Variants in STARD7 observed in about 807,000 individuals in gnomAD.
STARD7 encodes stAR-related lipid transfer protein 7, mitochondrial.
STARD7 carries 30 observed loss-of-function variants against 45.3 expected under a neutral mutation model. That is an observed-to-expected ratio of 0.66 (90% CI 0.50 to 0.90). The LOEUF (loss-of-function observed/expected upper bound fraction) is 0.90, where lower values mean the gene tolerates loss of function less well. Among genes scored for constraint, STARD7 ranks in the 40% least tolerant of loss-of-function variants. The pLI, the probability that STARD7 is intolerant of heterozygous loss-of-function variation, is 0.00. For synonymous variants in STARD7, 199 were observed against 183.0 expected (o/e 1.09, Z -0.70); for missense variants, 495 against 491.3 (o/e 1.01, Z -0.07).
chr2:96,204,239 G>A (rs995074616), intron 1 of STARD7, among the ~76,000 whole-genome samples: 11 of 152,054 alleles, frequency 7.2e-5, no homozygotes, highest in East Asian at 3.9e-4. Flanking sequence ...CAGCCTGGGC[G>A]ACAGAGTGAG....
chr2:96,207,516 G>A (rs1333888188), intron 1 of STARD7, among the ~76,000 whole-genome samples: 1 of 152,202 alleles, frequency 6.6e-6, no homozygotes, highest in Non-Finnish European at 1.5e-5. Flanking sequence ...TCACAGTTTT[G>A]ATGACGACAG....
intron 6 of STARD7, 197 bp from the exon 7 acceptor site, chr2:96,187,498 T>G (rs1356565443): frequency 3.9e-6 from 2 of 511,676 alleles, no homozygotes; most frequent in South Asian, 2.3e-5. Flanking sequence ...ATGTTGACCC[T>G]TGGCCAACTT....
rs1683028286 is a variant in STARD7 at position 96,185,918 on chromosome 2, A to G, written c.*812T>C. The G allele has an allele frequency of 6.6e-6, 1 of 152,262 alleles. No homozygotes were observed. Among genetic ancestry groups the G allele is most frequent in the Admixed American group, 6.5e-5 (1 of 15,280 alleles). 9.4% of individuals were successfully genotyped at this position (152,262 alleles called of 1,614,324 possible). ...ATGTTTTGAGCATCAAAAAGCTACT[A>G]TCTAAAAGGATTAGTCTCCCAGTGT... On this transcript the variant is annotated 3_prime_UTR_variant, in exon 8 of 8. Coordinates refer to ENST00000337288, the MANE Select transcript of STARD7 (RefSeq NM_020151.4).
At chr2:96,204,849 A>C (rs902677314) in intron 1 of STARD7, among the ~76,000 whole-genome samples, 1 of 152,060 alleles carries the variant, frequency 6.6e-6, no homozygotes, top group African/African-American at 2.4e-5. Context: ...GAATGCCCTG[A>C]AAGACAGAAA....
In STARD7 at chr2:96,195,325, G is replaced by A. The variant is rs1472650338; in HGVS notation, c.499+16C>T. 6.4e-7 allele frequency: 1 copy of A among 1,552,272 alleles called. No homozygotes were observed. Among genetic ancestry groups the A allele is most frequent in the Non-Finnish European group, 8.7e-7 (1 of 1,147,130 alleles). ...GTGCAACTATGGAACCCAAAAGATAGCCACACTGGGCTCACCTCGGTACTG... is the reference window on the plus strand; with the variant it reads ...GTGCAACTATGGAACCCAAAAGATAACCACACTGGGCTCACCTCGGTACTG... On this transcript the variant is annotated intron_variant, in intron 2 of 7. Coordinates refer to ENST00000337288, the MANE Select transcript of STARD7 (RefSeq NM_020151.4).
At position 96,193,254 on chromosome 2, in the gene STARD7, T is replaced by C; in HGVS notation, c.648A>G (p.Val216=). 3 of 1,613,364 alleles carry C rather than the reference T, an allele frequency of 1.9e-6. No individual in the cohort carries two copies. Among genetic ancestry groups the C allele is most frequent in the Middle Eastern group, 3.3e-4 (2 of 6,062 alleles). Reference sequence around the variant, plus strand: ...TAAAAATACTCACAGGAAAATGGGTTACCCAGTGAAGAACCTCGGAACCAC... The same window carrying C: ...TAAAAATACTCACAGGAAAATGGGTCACCCAGTGAAGAACCTCGGAACCAC... ...VVSGSEVLHW[V]THFPYPMYSR... The change falls in exon 4 of 8, where the codon GTA becomes GTG. Residue 216 remains valine (V), a synonymous_variant. Transcript: ENST00000337288.
chr2:96,186,961 T>C, intron 7 of STARD7, 47 bp from the exon 8 acceptor site: 1 of 1,540,542 alleles, frequency 6.5e-7, no homozygotes, highest in Non-Finnish European at 8.8e-7. Flanking sequence ...AAACCAACAG[T>C]AGGCTCAAAA....
chr2:96,192,685 C>T (rs1683142529), intron 5 of STARD7, among the ~76,000 whole-genome samples: 1 of 152,086 alleles, frequency 6.6e-6, no homozygotes, highest in South Asian at 2.1e-4. Flanking sequence ...ACTGGGAAGC[C>T]AAGGAAGGAA....
At position 96,192,449 on chromosome 2, in the gene STARD7, C is replaced by T. The variant is rs774669103; in HGVS notation, c.763G>A (p.Val255Met). ...LVSRAVEHPS[V>M]PESPEFVRVR... The stretch of plus-strand genomic sequence containing the variant: ...CTGACGAATTCTGGAGACTCTGGCA[C>T]ACTCGGATGCTCCACAGCACTGGTA... Residue 255 changes from valine to methionine, a missense_variant, in exon 6 of 8, where the codon GTG becomes ATG. Coordinates refer to ENST00000337288, the MANE Select transcript of STARD7 (RefSeq NM_020151.4). The T allele has an allele frequency of 6.2e-6, 10 of 1,613,592 alleles. No individual in the cohort carries two copies. The South Asian group carries it at 9.9e-5, about 16-fold the overall frequency.
At chr2:96,192,962 C>T in intron 5 of STARD7, 116 bp downstream of exon 5, 1 of 733,248 alleles carries the variant, frequency 1.4e-6, no homozygotes, top group Non-Finnish European at 2.4e-6. Context: ...GGGGCACTGG[C>T]TGCAGGGAAG....
intron 3 of STARD7, 69 bp downstream of exon 3, chr2:96,194,889 A>G: frequency 7.6e-7 from 1 of 1,317,994 alleles, no homozygotes; most frequent in Non-Finnish European, 1.1e-6. Flanking sequence ...AGTCAGATAA[A>G]TGATTCATGT....
intron 1 of STARD7, among the ~76,000 whole-genome samples, chr2:96,196,939 A>C (rs1354301433): frequency 2.6e-5 from 4 of 151,368 alleles, no homozygotes; most frequent in Non-Finnish European, 4.4e-5. Flanking sequence ...GGTGGCACAT[A>C]CCTGTAATCC....
At chr2:96,191,196 ATAC>A (rs1683120686) in intron 6 of STARD7, among the ~76,000 whole-genome samples, 1 of 152,186 alleles carries the variant, frequency 6.6e-6, no homozygotes, top group Non-Finnish European at 1.5e-5. Context: ...TTTGAGATAA[ATAC>A]TGAAATATAT....
intron 4 of STARD7, 32 bp downstream of exon 4, chr2:96,193,210 A>C: frequency 6.2e-7 from 1 of 1,601,426 alleles, no homozygotes; most frequent in Non-Finnish European, 8.6e-7. Context: ...ACAAACCTGG[A>C]CAGAAATAAA....
chr2:96,195,269 G>T, intron 2 of STARD7, 72 bp downstream of exon 2: 2 of 1,313,734 alleles, frequency 1.5e-6, no homozygotes, highest in Non-Finnish European at 2.1e-6. Flanking sequence ...ACAGTTTAGA[G>T]AAGTATGAAG....
At chr2:96,194,897 T>C (rs567358312) in intron 3 of STARD7, 61 bp downstream of exon 3, 9 of 1,382,860 alleles carry the variant, frequency 6.5e-6, no homozygotes, top group African/African-American at 1.4e-5. Flanking sequence ...AAATGATTCA[T>C]GTAGACAGTA....
chr2:96,197,073 A>ACATAC (rs1558735767), intron 1 of STARD7, among the ~76,000 whole-genome samples: 2 of 132,146 alleles, frequency 1.5e-5, no homozygotes, highest in Non-Finnish European at 3.2e-5. Flanking sequence ...TCTCAAAATA[A>ACATAC]AATAAAATAA....
At chr2:96,200,175 G>A (rs959979416) in intron 1 of STARD7, among the ~76,000 whole-genome samples, 2 of 152,274 alleles carry the variant, frequency 1.3e-5, no homozygotes, top group African/African-American at 4.8e-5. Flanking sequence ...CCAAGCTCAG[G>A]TGATTCTCCC....
At chr2:96,197,084 A>AATCATAACATAACATAACATAAC (rs1683227793) in intron 1 of STARD7, among the ~76,000 whole-genome samples, 1 of 138,396 alleles carries the variant, frequency 7.2e-6, no homozygotes, top group African/African-American at 2.6e-5. Context: ...AATAAAATAA[A>AATCATAACATAACATAACATAAC]ATAAAATAAA....
Sources: allele counts gnomAD v4.1 joint callset (sites outside exome capture counted in the v4.1 genomes callset), GRCh38; gene constraint gnomAD v4.1.1; transcripts MANE v1.5; gene names NCBI Gene and HGNC (gene_info 2026-07-23, HGNC 2026-07-21).